Variants in PUM2 observed in about 807,000 individuals in gnomAD.
PUM2 encodes the protein pumilio homolog 2.
In PUM2, 57 loss-of-function variants were observed where a neutral mutation model predicts 124.5. That is an observed-to-expected ratio of 0.46 (90% confidence interval 0.37 to 0.57). PUM2 has a LOEUF of 0.57. PUM2 is among the 20% of genes least tolerant of loss of function. The probability of loss-of-function intolerance (pLI) is 0.00; values close to 1 mark genes in which losing one functional copy is unlikely to be tolerated. For missense variants in PUM2, 1,065 were observed against 1,290.6 expected (o/e 0.83, Z 2.68); for synonymous variants, 460 against 446.1 (o/e 1.03, Z -0.39).
intron 1 of PUM2, among the ~76,000 whole-genome samples, chr2:20,330,311 T>TA (rs1181223068): frequency 9.9e-5 from 15 of 152,194 alleles, no homozygotes; most frequent in Admixed American, 9.8e-4. Flanking sequence ...AAAAAGCTCC[T>TA]AAAACCCCTG....
At chr2:20,266,791 G>A (rs1331288434) in intron 13 of PUM2, among the ~76,000 whole-genome samples, 1 of 152,106 alleles carries the variant, frequency 6.6e-6, no homozygotes, top group East Asian at 1.9e-4. Flanking sequence ...AGTGATGAAA[G>A]TAATCCGTGA....
At chr2:20,292,786 C>G (rs1215050489) in intron 9 of PUM2, among the ~76,000 whole-genome samples, 1 of 152,010 alleles carries the variant, frequency 6.6e-6, no homozygotes, top group Admixed American at 6.6e-5. Context: ...ACAAAATTAG[C>G]CAGGCATGAT....
At chr2:20,325,083 G>A (rs1159653677) in intron 2 of PUM2, among the ~76,000 whole-genome samples, 1 of 152,180 alleles carries the variant, frequency 6.6e-6, no homozygotes, top group Admixed American at 6.5e-5. Flanking sequence ...TGGTGAGAGA[G>A]AGAGGCAAAG....
At chr2:20,313,507 G>A (rs1032408121) in intron 3 of PUM2, among the ~76,000 whole-genome samples, 2 of 152,046 alleles carry the variant, frequency 1.3e-5, no homozygotes, top group Admixed American at 6.6e-5. Flanking sequence ...AATTTATAAC[G>A]TAACAATTCA....
At chr2:20,269,937 T>A (rs550533283) in intron 13 of PUM2, among the ~76,000 whole-genome samples, 18 of 152,312 alleles carry the variant, frequency 1.2e-4, no homozygotes, top group Non-Finnish European at 2.1e-4. Flanking sequence ...TTAGTTAACA[T>A]AACATAGTCT....
At chr2:20,295,620 A>C (rs2148275607) in intron 8 of PUM2, among the ~76,000 whole-genome samples, 1 of 152,280 alleles carries the variant, frequency 6.6e-6, no homozygotes, top group East Asian at 1.9e-4. Flanking sequence ...AAAACAATGA[A>C]AAGGATACAT....
intron 1 of PUM2, among the ~76,000 whole-genome samples, chr2:20,329,346 C>T (rs1558658838): frequency 1.4e-5 from 2 of 146,976 alleles, no homozygotes; most frequent in Admixed American, 6.8e-5. Flanking sequence ...GTGGGAGGAT[C>T]ACTTGAGCCC....
intron 7 of PUM2, among the ~76,000 whole-genome samples, chr2:20,304,713 G>A (rs879367377): frequency 6.6e-6 from 1 of 152,110 alleles, no homozygotes; most frequent in Admixed American, 6.6e-5. Flanking sequence ...TGACTAGTTT[G>A]AGATCAGCTA....
rs537957166 is a variant in PUM2, at chr2:20,270,507, T to C, written c.1958-7047A>G. On this transcript the variant is annotated intron_variant, in intron 13 of 20. Coordinates refer to ENST00000361078, the MANE Select transcript of PUM2 (RefSeq NM_015317.5). ...GTCTCTCTTGATGGGGTCATTGTGG[T>C]GGTGGGAAGAGGGCTGAAGAACTGG... Among the ~76,000 whole-genome samples the C allele has an allele frequency of 2.6e-5, 4 of 152,072 alleles. No homozygotes were observed. The East Asian group carries it at 5.8e-4, about 22-fold the overall frequency.
Position 20,263,389 on chromosome 2 carries a change from A to C in PUM2, c.2029T>G (p.Ser677Ala), listed in dbSNP as rs1287702367. 6.2e-7 allele frequency: 1 copy of C among 1,614,040 alleles called. No homozygotes were observed. Among genetic ancestry groups the C allele is most frequent in the South Asian group, 1.1e-5 (1 of 91,084 alleles). Residue 677 changes from serine (S) to alanine (A), a missense_variant, in exon 14 of 21, where the codon TCA (serine) becomes GCA (alanine). By Grantham distance (99) the Ser-to-Ala change is moderately conservative (BLOSUM62 1). This residue lies in a region of PUM2 where 968 missense variants were observed against 1,159.8 expected (regional missense o/e 0.83). Transcript: ENST00000361078. Reference sequence around the variant, plus strand: ...GAGCTAAATAGACTGGAAGTGCTTGAAGCACTTCGATATTTTGCTTCTGCT... The same window carrying C: ...GAGCTAAATAGACTGGAAGTGCTTGCAGCACTTCGATATTTTGCTTCTGCT... ...PGAEAKYRSA[S>A]STSSLFSSSS...
intron 9 of PUM2, among the ~76,000 whole-genome samples, chr2:20,293,797 T>C (rs1276196284): frequency 2.0e-5 from 3 of 152,118 alleles, no homozygotes; most frequent in African/African-American, 7.2e-5. Flanking sequence ...ATGGTGCTTC[T>C]TCGGTATAAA....
chr2:20,343,944 A>AC (rs1687716891), intron 1 of PUM2, among the ~76,000 whole-genome samples: 1 of 152,198 alleles, frequency 6.6e-6, no homozygotes, highest in Non-Finnish European at 1.5e-5. Context: ...CCAGTATCAG[A>AC]GAAAAAAAAA....
chr2:20,325,398 T>G (rs1683421921), intron 2 of PUM2, among the ~76,000 whole-genome samples: 1 of 152,186 alleles, frequency 6.6e-6, no homozygotes, highest in South Asian at 2.1e-4. Flanking sequence ...AGCTTTTTTC[T>G]TTTAACATAC....
intron 13 of PUM2, among the ~76,000 whole-genome samples, chr2:20,274,523 T>C (rs557636462): frequency 6.6e-6 from 1 of 152,080 alleles, no homozygotes; most frequent in Non-Finnish European, 1.5e-5. Context: ...GGAAGACAGG[T>C]TAGGAAATTT....
At chr2:20,277,418 T>C (rs138659757) in intron 13 of PUM2, among the ~76,000 whole-genome samples, 9 of 152,192 alleles carry the variant, frequency 5.9e-5, no homozygotes, top group Admixed American at 3.9e-4. Flanking sequence ...AGGGCTCCAT[T>C]TGAATACATT....
chr2:20,347,718 T>C (rs571183535), intron 1 of PUM2, among the ~76,000 whole-genome samples: 7 of 152,332 alleles, frequency 4.6e-5, no homozygotes, highest in Admixed American at 3.9e-4. Flanking sequence ...CCTTTACTAC[T>C]GATAAAACCA....
chr2:20,302,797 A>G (rs1475818180), intron 7 of PUM2, among the ~76,000 whole-genome samples: 2 of 152,338 alleles, frequency 1.3e-5, no homozygotes, highest in East Asian at 3.9e-4. Flanking sequence ...AGAAATGCAG[A>G]AACTCTGTTC....
At chr2:20,327,519 G>A (rs1683962773) in intron 1 of PUM2, 141 bp from the exon 2 acceptor site, 1 of 575,856 alleles carries the variant, frequency 1.7e-6, no homozygotes, top group South Asian at 2.4e-5. Context: ...GGGAAGACAG[G>A]TTTTCCCAGT....
At chr2:20,350,850 C>T (rs181811042), upstream of PUM2, 35,870 of 960,688 alleles carry the variant, frequency 0.037, 709 homozygotes, top group Middle Eastern at 0.064. Context: ...CCCCTCCCCC[C>T]CGCCCACCGG....
Sources: allele counts gnomAD v4.1 joint callset (sites outside exome capture counted in the v4.1 genomes callset), GRCh38; gene constraint gnomAD v4.1.1; regional missense constraint gnomAD v4.1.1; transcripts MANE v1.5; gene names NCBI Gene and HGNC (gene_info 2026-07-23, HGNC 2026-07-21).